Variants in SNX33 observed in about 807,000 individuals in gnomAD.
The protein encoded by SNX33 is sorting nexin-33.
A neutral mutation model predicts 38.8 loss-of-function variants in SNX33; 19 were observed. The ratio of observed to expected loss-of-function variants is 0.49; its 90% CI spans 0.34 to 0.72. The LOEUF (loss-of-function observed/expected upper bound fraction) is 0.72. Among genes scored for constraint, SNX33 ranks in the 30% least tolerant of loss-of-function variants. The probability of loss-of-function intolerance (pLI) is 0.01; values close to 1 mark genes in which losing one functional copy is unlikely to be tolerated. For missense variants in SNX33, 641 were observed against 776.4 expected (o/e 0.83, Z 2.07); for synonymous variants, 246 against 289.7 (o/e 0.85, Z 1.53).
In SNX33 at chr15:75,661,824, G is replaced by C. The variant is rs1893726705; in HGVS notation, c.*4609G>C. 1.3e-5 allele frequency: 2 copies of C among 152,138 alleles called. No homozygotes were observed. Among genetic ancestry groups the C allele is most frequent in the Admixed American group, 6.5e-5 (1 of 15,274 alleles). The allele number at this position is 152,138 out of a possible 1,614,324, so 9.4% of individuals were successfully genotyped here. On this transcript the variant is annotated 3_prime_UTR_variant, in exon 2 of 2. Transcript: ENST00000308527. This position sits in a 1 kb window ranked among gnomAD's most constrained non-coding sequence, Gnocchi z 4.5. ...CTCATTTAGGGCCAAAGGAAGAAGG[G>C]GAGGCAGATTTCCCCTCTAGATGAG... is the stretch of plus-strand genomic sequence containing the variant.
In SNX33 at chr15:75,659,083, C is replaced by G. The variant is rs1713445855; in HGVS notation, c.*1868C>G. ...GGGGGACTCAGAAGCTGTGTCTCTT[C>G]CCCAAACCGTCCTGGGTACCCAGCC... On this transcript the variant is annotated 3_prime_UTR_variant, in exon 2 of 2. Coordinates refer to ENST00000308527, the MANE Select transcript of SNX33 (RefSeq NM_153271.2). The G allele has an allele frequency of 6.6e-6, 1 of 152,340 alleles. No homozygotes were observed. Among genetic ancestry groups the G allele is most frequent in the African/African-American group, 2.4e-5 (1 of 41,462 alleles). 9.4% of individuals were successfully genotyped at this position (152,340 alleles called of 1,614,324 possible).
In SNX33 at chr15:75,648,764, A is replaced by G. The variant is rs922284525; in HGVS notation, c.-339A>G. ...TTCCCCTCGCAGGGCAGATTTCTCC[A>G]GGTCACTTGACTTTTCTTCTGGGAG... On this transcript the variant is annotated 5_prime_UTR_variant, in exon 1 of 2. Coordinates refer to ENST00000308527, the MANE Select transcript of SNX33 (RefSeq NM_153271.2). This position sits in a 1 kb window ranked among gnomAD's most constrained non-coding sequence, Gnocchi z 4.4. The G allele has an allele frequency of 4.5e-6, 1 of 222,572 alleles. No individual in the cohort carries two copies. The highest frequency in any genetic ancestry group is 8.4e-6 in the Non-Finnish European group (1 of 118,912). 13.8% of individuals were successfully genotyped at this position (222,572 alleles called of 1,614,324 possible). A position where few individuals can be genotyped will look rare whatever the true frequency, so the allele number is the denominator to read the frequency against.
chr15:75,650,469 T>C lies in SNX33; in HGVS notation c.1367T>C (p.Met456Thr). 8 of 1,614,144 alleles carry C rather than the reference T, an allele frequency of 5.0e-6. No individual in the cohort carries two copies. Among genetic ancestry groups the C allele is most frequent in the Non-Finnish European group, 6.8e-6 (8 of 1,180,014 alleles). The change falls in exon 1 of 2, where the codon ATG (methionine) becomes ACG (threonine). Residue 456 changes from methionine (M) to threonine (T), a missense_variant. This residue lies in a region of SNX33 where 398 missense variants were observed against 542.5 expected (regional missense o/e 0.73). Transcript: ENST00000308527. The surrounding 1 kb of genome is among the most constrained non-coding windows in gnomAD (Gnocchi z 6.1). ...TGRTYEAIGEMFAEQPKNDLF... is the reference protein window; with the variant it reads ...TGRTYEAIGETFAEQPKNDLF... ...CGTACCTATGAAGCCATCGGGGAGATGTTTGCTGAGCAGCCCAAGAATGAC... is the reference window on the plus strand; with the variant it reads ...CGTACCTATGAAGCCATCGGGGAGACGTTTGCTGAGCAGCCCAAGAATGAC...
At position 75,661,793 on chromosome 15, in the gene SNX33, G is replaced by A. The variant is rs1273116479; in HGVS notation, c.*4578G>A. 6.6e-6 allele frequency: 1 copy of A among 152,186 alleles called. No individual in the cohort carries two copies. Among genetic ancestry groups the A allele is most frequent in the Non-Finnish European group, 1.5e-5 (1 of 68,052 alleles). 9.4% of individuals were successfully genotyped at this position (152,186 alleles called of 1,614,324 possible). A position where few individuals can be genotyped will look rare whatever the true frequency, so the allele number is the denominator to read the frequency against. ...TGCCATCACTCCTTAGAGTCACACT[G>A]ATGAACTCATTTAGGGCCAAAGGAA... is the stretch of plus-strand genomic sequence containing the variant. On this transcript the variant is annotated 3_prime_UTR_variant, in exon 2 of 2. Transcript: ENST00000308527. The surrounding 1 kb of genome is among the most constrained non-coding windows in gnomAD (Gnocchi z 4.5).
In SNX33 at chr15:75,650,245, C is replaced by T; in HGVS notation, c.1143C>T (p.Phe381=). ...ACGTGGAAGATCGCGTGGACACTTT[C>T]AAGGCCTTCAGTAAGAAGATGGACG... is the stretch of plus-strand genomic sequence containing the variant. ...LQDVEDRVDT[F]KAFSKKMDDS... is the part of the protein sequence containing the mutation. Residue 381 remains phenylalanine, a synonymous_variant, in exon 1 of 2, where the codon TTC becomes TTT. Coordinates refer to ENST00000308527, the MANE Select transcript of SNX33 (RefSeq NM_153271.2). The surrounding 1 kb of genome is among the most constrained non-coding windows in gnomAD (Gnocchi z 6.1). 1 of 1,587,948 alleles carries T rather than the reference C, an allele frequency of 6.3e-7. No homozygotes were observed. Among genetic ancestry groups the T allele is most frequent in the African/African-American group, 1.3e-5 (1 of 74,486 alleles).
At chr15:75,655,380 A>G (rs1893641227) in intron 1 of SNX33, among the ~76,000 whole-genome samples, 1 of 152,176 alleles carries the variant, frequency 6.6e-6, no homozygotes, top group Non-Finnish European at 1.5e-5. Flanking sequence ...TCTGCTGCCC[A>G]GGGCTGGGCT....
In SNX33 at chr15:75,660,112, C is replaced by T. The variant is rs1180072077; in HGVS notation, c.*2897C>T. The stretch of plus-strand genomic sequence containing the variant: ...CGGCTGGACCCAGCTGCCTCGTTTC[C>T]TCCCTTACTTTGCTCTGAGGGGGTG... On this transcript the variant is annotated 3_prime_UTR_variant, in exon 2 of 2. Transcript: ENST00000308527. 6.6e-6 allele frequency: 1 copy of T among 152,220 alleles called. No homozygotes were observed. Among genetic ancestry groups the T allele is most frequent in the African/African-American group, 2.4e-5 (1 of 41,436 alleles). 9.4% of individuals were successfully genotyped at this position (152,220 alleles called of 1,614,324 possible). A position where few individuals can be genotyped will look rare whatever the true frequency, so the allele number is the denominator to read the frequency against.
At chr15:75,651,309 T>G (rs1481434813) in intron 1 of SNX33, among the ~76,000 whole-genome samples, 1 of 152,230 alleles carries the variant, frequency 6.6e-6, no homozygotes, top group Non-Finnish European at 1.5e-5. Context: ...AAGGAGCTAG[T>G]GTCCACAGAA....
Position 75,649,991 on chromosome 15 carries a change from C to T in SNX33, c.889C>T (p.Arg297Cys), listed in dbSNP as rs1187696758. 1.4e-5 allele frequency: 23 copies of T among 1,601,064 alleles called. No homozygotes were observed. Among genetic ancestry groups the T allele is most frequent in the Non-Finnish European group, 1.9e-5 (22 of 1,174,256 alleles). ...PHLPEKQATG[R>C]FEEDFIEKRK... ...CCTGCCTGAGAAGCAGGCCACTGGC[C>T]GCTTCGAGGAGGACTTCATCGAAAA... The change falls in exon 1 of 2, where the codon CGC (arginine) becomes TGC (cysteine). Residue 297 changes from arginine to cysteine, a missense_variant. Coordinates refer to ENST00000308527, the MANE Select transcript of SNX33 (RefSeq NM_153271.2). The surrounding 1 kb of genome is among the most constrained non-coding windows in gnomAD (Gnocchi z 6.6).
At chr15:75,652,111 C>T (rs1484935408) in intron 1 of SNX33, among the ~76,000 whole-genome samples, 2 of 151,604 alleles carry the variant, frequency 1.3e-5, no homozygotes, top group African/African-American at 2.4e-5. Context: ...GATTGCTGTG[C>T]GTCCCCGGGG....
chr15:75,661,676 CAA>C lies in SNX33; in HGVS notation c.*4463_*4464del, dbSNP rs1375774878. 1 of 152,160 alleles carries C rather than the reference CAA, an allele frequency of 6.6e-6. No homozygotes were observed. Among genetic ancestry groups the C allele is most frequent in the East Asian group, 1.9e-4 (1 of 5,192 alleles). 9.4% of individuals were successfully genotyped at this position (152,160 alleles called of 1,614,324 possible). ...AGGCAGCATTTATTCCCTTTCGCAACAAAGAGACTGAGACTTGGCCAGAGGGA... is the reference window on the plus strand; with the variant it reads ...AGGCAGCATTTATTCCCTTTCGCAACAGAGACTGAGACTTGGCCAGAGGGA... On this transcript the variant is annotated 3_prime_UTR_variant, in exon 2 of 2. Coordinates refer to ENST00000308527, the MANE Select transcript of SNX33 (RefSeq NM_153271.2). The surrounding 1 kb of genome is among the most constrained non-coding windows in gnomAD (Gnocchi z 4.5).
rs1302396137 is a variant in SNX33 at position 75,650,273 on chromosome 15, A to G, written c.1171A>G (p.Ser391Gly). The G allele has an allele frequency of 1.0e-5, 16 of 1,587,996 alleles. No homozygotes were observed. The East Asian group carries it at 3.4e-4, about 33-fold the overall frequency. ...FKAFSKKMDD[S>G]VLQLSTVASE... The stretch of plus-strand genomic sequence containing the variant: ...GGCCTTCAGTAAGAAGATGGACGAC[A>G]GCGTCCTGCAGCTCAGCACTGTGGC... The change falls in exon 1 of 2, where the codon AGC becomes GGC. Residue 391 changes from serine to glycine, a missense_variant. By Grantham distance (56) the Ser-to-Gly change is moderately conservative. Transcript: ENST00000308527. This position sits in a 1 kb window ranked among gnomAD's most constrained non-coding sequence, Gnocchi z 6.1.
At position 75,661,755 on chromosome 15, in the gene SNX33, A is replaced by G. The variant is rs12593327; in HGVS notation, c.*4540A>G. ...GGGAATCTCTGGCGGGGCTGGACTC[A>G]AACCCAGCTCCCTGCCATCACTCCT... On this transcript the variant is annotated 3_prime_UTR_variant, in exon 2 of 2. Transcript: ENST00000308527. The surrounding 1 kb of genome is among the most constrained non-coding windows in gnomAD (Gnocchi z 4.5). 0.79 allele frequency: 119,534 copies of G among 152,092 alleles called. 47,277 individuals are homozygous for G. The highest frequency in any genetic ancestry group is 0.84 in the African/African-American group (34,901 of 41,482). The allele number at this position is 152,092 out of a possible 1,614,324, so 9.4% of individuals were successfully genotyped here. A position where few individuals can be genotyped will look rare whatever the true frequency, so the allele number is the denominator to read the frequency against.
At position 75,650,323 on chromosome 15, in the gene SNX33, G is replaced by C; in HGVS notation, c.1221G>C (p.Val407=). 6.3e-7 allele frequency: 1 copy of C among 1,597,608 alleles called. No homozygotes were observed. The highest frequency in any genetic ancestry group is 1.7e-5 in the Admixed American group (1 of 58,758). The change falls in exon 1 of 2, where the codon GTG becomes GTC. Residue 407 remains valine (V), a synonymous_variant. Coordinates refer to ENST00000308527, the MANE Select transcript of SNX33 (RefSeq NM_153271.2). This position sits in a 1 kb window ranked among gnomAD's most constrained non-coding sequence, Gnocchi z 6.1. ...TVASELVRKH[V]GGFRKEFQKL... Reference sequence around the variant, plus strand: ...CATCAGAGCTGGTGCGTAAACATGTGGGGGGCTTCCGCAAGGAATTCCAGA... The same window carrying C: ...CATCAGAGCTGGTGCGTAAACATGTCGGGGGCTTCCGCAAGGAATTCCAGA...
At position 75,648,288 on chromosome 15, in the gene SNX33, C is replaced by G. The variant is rs1056686728; in HGVS notation, c.-815C>G. The G allele has an allele frequency of 5.1e-6, 5 of 985,378 alleles. No individual in the cohort carries two copies. Among genetic ancestry groups the G allele is most frequent in the Non-Finnish European group, 3.6e-6 (3 of 829,930 alleles). 61.0% of individuals were successfully genotyped at this position (985,378 alleles called of 1,614,324 possible). A position where few individuals can be genotyped will look rare whatever the true frequency, so the allele number is the denominator to read the frequency against. On this transcript the variant is annotated 5_prime_UTR_variant, in exon 1 of 2. Transcript: ENST00000308527. The surrounding 1 kb of genome is among the most constrained non-coding windows in gnomAD (Gnocchi z 4.4). The stretch of plus-strand genomic sequence containing the variant: ...CAGCGAGTGGCTAGAAGTCGCCCGA[C>G]AGCCTCGTCGCGCCCCCTCCTTCCT...
Position 75,648,073 on chromosome 15 carries a change from A to G in SNX33, c.-1030A>G, listed in dbSNP as rs902836448. 6 of 985,290 alleles carry G rather than the reference A, an allele frequency of 6.1e-6. No individual in the cohort carries two copies. The African/African-American group carries it at 1.0e-4, about 17-fold the overall frequency. The allele number at this position is 985,290 out of a possible 1,614,324, so 61.0% of individuals were successfully genotyped here. ...GCTGGCCGCGCCATCTGCTCGCCGG[A>G]GCTCACTCTCCAAACTCCAAACTGT... On this transcript the variant is annotated 5_prime_UTR_variant, in exon 1 of 2. Transcript: ENST00000308527. This position sits in a 1 kb window ranked among gnomAD's most constrained non-coding sequence, Gnocchi z 4.4.
At position 75,649,704 on chromosome 15, in the gene SNX33, A is replaced by T. The variant is rs1206643857; in HGVS notation, c.602A>T (p.Asp201Val). ...RSGVEAFILG[D>V]VPMMAKIAET... is the part of the protein sequence containing the mutation. ...GGAGTGGAGGCCTTCATCCTGGGTGATGTGCCCATGATGGCCAAGATCGCT... is the reference window on the plus strand; with the variant it reads ...GGAGTGGAGGCCTTCATCCTGGGTGTTGTGCCCATGATGGCCAAGATCGCT... Residue 201 changes from aspartate (D) to valine (V), a missense_variant, in exon 1 of 2, where the codon GAT becomes GTT. Asp to Val is a radical substitution (Grantham distance 152). This residue lies in a region of SNX33 where 398 missense variants were observed against 542.5 expected (regional missense o/e 0.73). Transcript: ENST00000308527. This position sits in a 1 kb window ranked among gnomAD's most constrained non-coding sequence, Gnocchi z 6.6. 6.4e-7 allele frequency: 1 copy of T among 1,554,834 alleles called. No homozygotes were observed. The highest frequency in any genetic ancestry group is 8.7e-7 in the Non-Finnish European group (1 of 1,146,568).
rs768264278 is a variant in SNX33, at chr15:75,656,948, T to C, written c.1472-14T>C. ...AGAGCCCTCACACGCTGTCCTCTGCTCTGCCTATGCCAGGCGCCTTCGCCA... is the reference window on the plus strand; with the variant it reads ...AGAGCCCTCACACGCTGTCCTCTGCCCTGCCTATGCCAGGCGCCTTCGCCA... On this transcript the variant is annotated splice_polypyrimidine_tract_variant and intron_variant, in intron 1 of 1. Coordinates refer to ENST00000308527, the MANE Select transcript of SNX33 (RefSeq NM_153271.2). The C allele has an allele frequency of 6.2e-7, 1 of 1,609,412 alleles. No homozygotes were observed. The highest frequency in any genetic ancestry group is 1.1e-5 in the South Asian group (1 of 90,816).
chr15:75,655,039 T>A (rs1208468674), intron 1 of SNX33, among the ~76,000 whole-genome samples: 1 of 152,256 alleles, frequency 6.6e-6, no homozygotes. Context: ...TTCTTCACCC[T>A]GCTGTTTTCT....
Sources: gnomAD v4.1 joint callset for allele counts (sites outside exome capture counted in the v4.1 genomes callset) on GRCh38, gnomAD v4.1.1 for gene constraint, gnomAD v4.1.1 regional missense constraint, Gnocchi (gnomAD v3.1) non-coding constraint, MANE v1.5 for transcripts, NCBI Gene and HGNC (gene_info 2026-07-23, HGNC 2026-07-21) for gene names.